Variants in SORBS2 observed in about 807,000 individuals in gnomAD.
The protein encoded by SORBS2 is sorbin and SH3 domain containing 2, also known as sorbin and SH3 domain-containing protein 2.
In SORBS2, 46 loss-of-function variants were observed where a neutral mutation model predicts 97.7. The observed-to-expected ratio is 0.47, with a 90% confidence interval of 0.37 to 0.60. SORBS2 has a LOEUF of 0.60. SORBS2 is among the 20% of genes least tolerant of loss of function. The pLI, the probability that SORBS2 is intolerant of heterozygous loss-of-function variation, is 0.00. For synonymous variants in SORBS2, 476 were observed against 473.4 expected, an observed-to-expected ratio of 1.01 and a Z score of -0.07; for missense variants, 1,316 against 1,282.3, an observed-to-expected ratio of 1.03 and a Z score of -0.40.
At chr4:185,807,667 T>C (rs1256657791) in intron 1 of SORBS2, among the ~76,000 whole-genome samples, 1 of 152,268 alleles carries the variant, frequency 6.6e-6, no homozygotes, top group Non-Finnish European at 1.5e-5. Context: ...AACTCAACAG[T>C]TGCAGAAGTG....
At chr4:185,943,461 G>A (rs985241050) in intron 1 of SORBS2, among the ~76,000 whole-genome samples, 11 of 152,104 alleles carry the variant, frequency 7.2e-5, no homozygotes, top group African/African-American at 2.4e-4. Context: ...ACATACAAAT[G>A]GTACCTACTC....
intron 4 of SORBS2, 70 bp from the exon 16 acceptor site, chr4:185,635,481 A>G (rs1459094962): frequency 1.0e-5 from 12 of 1,145,894 alleles, no homozygotes; most frequent in Non-Finnish European, 1.6e-5. Context: ...GCAGCAAGGA[A>G]TGAACATGTG....
intron 2 of SORBS2, among the ~76,000 whole-genome samples, chr4:185,729,534 G>T (rs7691312): frequency 0.43 from 64,908 of 152,086 alleles, 15,305 homozygotes; most frequent in Admixed American, 0.54. Flanking sequence ...GTAGCCACGT[G>T]GATCTGTGTA....
At chr4:185,620,211 T>C (rs1581121919) in intron 7 of SORBS2, 60 bp from the exon 20 acceptor site, 1 of 1,126,134 alleles carries the variant, frequency 8.9e-7, no homozygotes, top group Non-Finnish European at 1.4e-6. Context: ...GCCAACCTGT[T>C]CCGCCATTTT....
At chr4:185,896,476 C>T (rs918618233) in intron 1 of SORBS2, among the ~76,000 whole-genome samples, 8 of 152,068 alleles carry the variant, frequency 5.3e-5, no homozygotes, top group African/African-American at 9.7e-5. Flanking sequence ...CCCAGCTACA[C>T]GGGAGGCTGA....
intron 2 of SORBS2, among the ~76,000 whole-genome samples, chr4:185,704,713 T>C (rs934231098): frequency 1.3e-4 from 20 of 151,644 alleles, no homozygotes; most frequent in South Asian, 2.1e-4. Context: ...CAACTCTCCA[T>C]GTTTTGAGAA....
intron 1 of SORBS2, among the ~76,000 whole-genome samples, chr4:185,861,004 T>TC (rs1561243488): frequency 6.6e-6 from 1 of 152,178 alleles, no homozygotes; most frequent in Non-Finnish European, 1.5e-5. Flanking sequence ...ATGCAGACTT[T>TC]CCCCATGAGA....
chr4:185,759,200 C>A (rs73873365), intron 2 of SORBS2, among the ~76,000 whole-genome samples: 2,963 of 152,274 alleles, frequency 0.019, 98 homozygotes, highest in African/African-American at 0.068. Context: ...TATGACAGAG[C>A]CTGCAGAGGA....
At chr4:185,833,216 A>G (rs2099206101) in intron 1 of SORBS2, among the ~76,000 whole-genome samples, 1 of 152,232 alleles carries the variant, frequency 6.6e-6, no homozygotes, top group Non-Finnish European at 1.5e-5. Context: ...TGTCCAAGTA[A>G]TGTGAACATG....
chr4:185,632,215 A>G (rs1344016386), intron 4 of SORBS2, among the ~76,000 whole-genome samples: 1 of 152,224 alleles, frequency 6.6e-6, no homozygotes, highest in African/African-American at 2.4e-5. Flanking sequence ...GCTTCTATTA[A>G]CTAATATTTT....
chr4:185,765,374 C>T lies in SORBS2; in HGVS notation c.-198+9853G>A, dbSNP rs1335052354. On this transcript the variant is annotated intron_variant, in intron 2 of 20. Coordinates refer to the SORBS2 transcript ENST00000284776. ...AGTCTTCTGCCAAATGTTTTTACAC[C>T]TGTGGTTTTAAGTATTTTAGAATAT... 2.1e-5 allele frequency among the ~76,000 whole-genome samples: 3 copies of T among 140,240 alleles called. No individual in the cohort carries two copies. In the South Asian group the frequency reaches 6.9e-4, roughly 32 times the overall value. The allele number at this position is 140,240 out of a possible 152,430, so 92.0% of individuals were successfully genotyped here.
chr4:185,670,666 G>A (rs2097699381), intron 4 of SORBS2, among the ~76,000 whole-genome samples: 2 of 150,688 alleles, frequency 1.3e-5, no homozygotes, highest in South Asian at 2.1e-4. Flanking sequence ...TTACAGGCAT[G>A]AGCCACTGTG....
chr4:185,626,897 C>T, exon 6 of SORBS2: 1 of 1,614,228 alleles, frequency 6.2e-7, no homozygotes, highest in Non-Finnish European at 8.5e-7. Context: ...GGTGCTTGAT[C>T]CTGGGAGGTC....
chr4:185,602,069 G>T (rs1390854030), intron 12 of SORBS2, among the ~76,000 whole-genome samples: 3 of 152,158 alleles, frequency 2.0e-5, no homozygotes, highest in African/African-American at 7.2e-5. Context: ...GGAGTGCAGT[G>T]GCACGGTCTC....
intron 1 of SORBS2, among the ~76,000 whole-genome samples, chr4:185,802,943 C>T (rs970398181): frequency 3.9e-5 from 6 of 152,182 alleles, no homozygotes; most frequent in African/African-American, 1.4e-4. Flanking sequence ...AGCGAGAGTG[C>T]ATGCAGATTT....
chr4:185,599,897 G>T (rs888356530), intron 12 of SORBS2, among the ~76,000 whole-genome samples: 1 of 144,026 alleles, frequency 6.9e-6, no homozygotes, highest in Non-Finnish European at 1.5e-5. Context: ...CCCTGGGGGC[G>T]GGGGAGGTGG....
chr4:185,753,733 A>G (rs1017170354), intron 2 of SORBS2, among the ~76,000 whole-genome samples: 1 of 152,198 alleles, frequency 6.6e-6, no homozygotes, highest in East Asian at 1.9e-4. Context: ...GAAAAGTGAA[A>G]TTCTCTGGTG....
intron 2 of SORBS2, among the ~76,000 whole-genome samples, chr4:185,766,396 C>CT: frequency 6.6e-6 from 1 of 152,124 alleles, no homozygotes; most frequent in Non-Finnish European, 1.5e-5. Context: ...CCATGGTCTT[C>CT]AACAGTTTTT....
intron 12 of SORBS2, among the ~76,000 whole-genome samples, chr4:185,600,566 T>TGA (rs1163753856): frequency 7.9e-5 from 12 of 152,180 alleles, no homozygotes; most frequent in African/African-American, 2.2e-4. Context: ...CTTGAACTCC[T>TGA]GACCTCAAGT....
Sources: gnomAD v4.1 joint callset for allele counts (sites outside exome capture counted in the v4.1 genomes callset) on GRCh38, gnomAD v4.1.1 for gene constraint, MANE v1.5 for transcripts, NCBI Gene and HGNC (gene_info 2026-07-23, HGNC 2026-07-21) for gene names.